Variants in ADAMTS6 observed in about 807,000 individuals in gnomAD.
ADAMTS6 encodes the protein A disintegrin and metalloproteinase with thrombospondin motifs 6.
ADAMTS6 carries 23 observed loss-of-function variants against 144.3 expected under a neutral mutation model. The ratio of observed to expected loss-of-function variants is 0.16; its 90% CI spans 0.11 to 0.23. The LOEUF (loss-of-function observed/expected upper bound fraction) is 0.23. Among genes scored for constraint, ADAMTS6 ranks in the 10% least tolerant of loss-of-function variants. The pLI, the probability that ADAMTS6 is intolerant of heterozygous loss-of-function variation, is 1.00. For synonymous variants in ADAMTS6, 444 were observed against 457.5 expected, an observed-to-expected ratio of 0.97 and a Z score of 0.38; for missense variants, 999 against 1,379.6, an observed-to-expected ratio of 0.72 and a Z score of 4.37.
intron 24 of ADAMTS6, among the ~76,000 whole-genome samples, chr5:65,164,274 G>A (rs900378404): frequency 8.5e-5 from 13 of 152,086 alleles, no homozygotes; most frequent in Middle Eastern, 3.4e-3. Context: ...GGTGATGGAC[G>A]CAGCTGGAAA....
rs1276433249 is a variant in ADAMTS6 at position 65,481,556 on chromosome 5, C to A, written c.-493G>T. 6.6e-6 allele frequency: 1 copy of A among 151,658 alleles called. No individual in the cohort carries two copies. Among genetic ancestry groups the A allele is most frequent in the Non-Finnish European group, 1.5e-5 (1 of 68,018 alleles). The allele number at this position is 151,658 out of a possible 1,614,324, so 9.4% of individuals were successfully genotyped here. The stretch of plus-strand genomic sequence containing the variant: ...CCCGGGCTTTAGAGAACTGACTTTC[C>A]GATTTGGCAGAATAAGAGATGCCTT... On this transcript the variant is annotated 5_prime_UTR_variant, in exon 1 of 25. Transcript: ENST00000381055.
chr5:65,337,470 C>A (rs1477387601), intron 7 of ADAMTS6, among the ~76,000 whole-genome samples: 3 of 151,656 alleles, frequency 2.0e-5, no homozygotes, highest in Non-Finnish European at 4.4e-5. Flanking sequence ...CTTTCCTTTC[C>A]CACAAACTAT....
At chr5:65,444,127 C>T (rs550961482) in intron 7 of ADAMTS6, among the ~76,000 whole-genome samples, 1 of 152,202 alleles carries the variant, frequency 6.6e-6, no homozygotes, top group African/African-American at 2.4e-5. Context: ...CTCAGTGGCT[C>T]ATGCCTGTAA....
chr5:65,319,075 T>C (rs1055439192), intron 9 of ADAMTS6, among the ~76,000 whole-genome samples: 1 of 152,064 alleles, frequency 6.6e-6, no homozygotes, highest in African/African-American at 2.4e-5. Flanking sequence ...GAACATATGA[T>C]AGACCATGAG....
chr5:65,480,670 C>T (rs948168162), intron 1 of ADAMTS6, among the ~76,000 whole-genome samples: 1 of 152,160 alleles, frequency 6.6e-6, no homozygotes, highest in African/African-American at 2.4e-5. Context: ...TCTCACTCTC[C>T]CTCCTCAATC....
chr5:65,238,337 C>T (rs370414279), intron 15 of ADAMTS6, among the ~76,000 whole-genome samples: 2 of 151,884 alleles, frequency 1.3e-5, no homozygotes, highest in East Asian at 1.9e-4. Context: ...GGAATTTAGG[C>T]TGGATGTGTA....
chr5:65,214,548 A>C lies in ADAMTS6; in HGVS notation c.2575+246T>G, dbSNP rs1468621682. 3 of 553,938 alleles carry C rather than the reference A, an allele frequency of 5.4e-6. No homozygotes were observed. The highest frequency in any genetic ancestry group is 9.6e-6 in the Non-Finnish European group (3 of 311,282). 34.3% of individuals were successfully genotyped at this position (553,938 alleles called of 1,614,324 possible). A position where few individuals can be genotyped will look rare whatever the true frequency, so the allele number is the denominator to read the frequency against. ...CCACCTTCAAGATAGTCTTGGGAGA[A>C]GCACCAGCAGAGACACTCATTGTGC... On this transcript the variant is annotated intron_variant, in intron 20 of 24. Coordinates refer to ENST00000381055, the MANE Select transcript of ADAMTS6 (RefSeq NM_197941.4). This position sits in a 1 kb window ranked among gnomAD's most constrained non-coding sequence, Gnocchi z 4.6.
At chr5:65,329,728 A>C (rs1746531822) in intron 8 of ADAMTS6, among the ~76,000 whole-genome samples, 2 of 152,120 alleles carry the variant, frequency 1.3e-5, no homozygotes, top group African/African-American at 4.8e-5. Flanking sequence ...TAGATTTATA[A>C]ATTTTACTTC....
chr5:65,480,468 A>C (rs1023872168), intron 1 of ADAMTS6, among the ~76,000 whole-genome samples: 1 of 152,198 alleles, frequency 6.6e-6, no homozygotes, highest in African/African-American at 2.4e-5. Context: ...GACAGTTGGC[A>C]TCTGGCCCAA....
chr5:65,297,926 A>G (rs1057479193), intron 10 of ADAMTS6, among the ~76,000 whole-genome samples: 1 of 152,208 alleles, frequency 6.6e-6, no homozygotes, highest in Non-Finnish European at 1.5e-5. Context: ...ATATTTTTAT[A>G]AAATACAGGA....
At chr5:65,411,798 T>C (rs1755077223) in intron 7 of ADAMTS6, among the ~76,000 whole-genome samples, 1 of 152,208 alleles carries the variant, frequency 6.6e-6, no homozygotes, top group African/African-American at 2.4e-5. Context: ...TTTGAAAAAT[T>C]ATGCCTTTGT....
chr5:65,335,118 G>C (rs1444178424), intron 7 of ADAMTS6, among the ~76,000 whole-genome samples: 5 of 152,068 alleles, frequency 3.3e-5, no homozygotes, highest in African/African-American at 9.7e-5. Flanking sequence ...TCAATCACCA[G>C]ACTAAATTGT....
intron 7 of ADAMTS6, among the ~76,000 whole-genome samples, chr5:65,380,123 T>C (rs1751911915): frequency 6.6e-6 from 1 of 151,994 alleles, no homozygotes; most frequent in Admixed American, 6.6e-5. Flanking sequence ...AATCAGAACT[T>C]TTTTTTCTCC....
At chr5:65,449,593 C>T (rs1758578573) in intron 7 of ADAMTS6, among the ~76,000 whole-genome samples, 1 of 151,910 alleles carries the variant, frequency 6.6e-6, no homozygotes, top group African/African-American at 2.4e-5. Flanking sequence ...TGCACTCCAG[C>T]CTGGGCGACA....
intron 22 of ADAMTS6, among the ~76,000 whole-genome samples, chr5:65,182,520 T>C (rs1754429430): frequency 6.7e-6 from 1 of 150,318 alleles, no homozygotes. Context: ...GTGTTCTAAA[T>C]CCTTGGCATG....
At chr5:65,354,765 G>A (rs1322370323) in intron 7 of ADAMTS6, among the ~76,000 whole-genome samples, 2 of 101,096 alleles carry the variant, frequency 2.0e-5, no homozygotes, top group African/African-American at 5.1e-5. Flanking sequence ...TCACTTAATT[G>A]AATTAAAAAA....
At chr5:65,391,614 T>A (rs1185851150) in intron 7 of ADAMTS6, among the ~76,000 whole-genome samples, 1 of 152,210 alleles carries the variant, frequency 6.6e-6, no homozygotes, top group Non-Finnish European at 1.5e-5. Context: ...TCTTTTATAG[T>A]ATTTATTTTT....
rs1477791183 is a variant in ADAMTS6 at position 65,148,788 on chromosome 5, A to C, written c.*3048T>G. The C allele has an allele frequency of 6.6e-6, 1 of 152,544 alleles. No individual in the cohort carries two copies. The highest frequency in any genetic ancestry group is 1.5e-5 in the Non-Finnish European group (1 of 68,042). The allele number at this position is 152,544 out of a possible 1,614,324, so 9.4% of individuals were successfully genotyped here. The stretch of plus-strand genomic sequence containing the variant: ...TTTACTAAATTATCTATGTCAAAAA[A>C]ATTCTGTGCCTGGCGTGGAATTTCA... On this transcript the variant is annotated 3_prime_UTR_variant, in exon 25 of 25. Transcript: ENST00000381055.
intron 12 of ADAMTS6, among the ~76,000 whole-genome samples, chr5:65,266,447 A>G (rs1355232377): frequency 6.6e-6 from 1 of 151,980 alleles, no homozygotes; most frequent in Non-Finnish European, 1.5e-5. Flanking sequence ...ATAATTTGTA[A>G]TATAAGTATC....
Sources: gnomAD v4.1 joint callset for allele counts (sites outside exome capture counted in the v4.1 genomes callset) on GRCh38, gnomAD v4.1.1 for gene constraint, Gnocchi (gnomAD v3.1) non-coding constraint, MANE v1.5 for transcripts, NCBI Gene and HGNC (gene_info 2026-07-23, HGNC 2026-07-21) for gene names.